The following SLIT1 variants were observed in gnomAD, a reference collection of about 807,000 sequenced individuals.
SLIT1 encodes the protein slit homolog 1 protein.
SLIT1 carries 66 observed loss-of-function variants against 186.1 expected under a neutral mutation model. That is an observed-to-expected ratio of 0.35 (90% CI 0.29 to 0.44). The LOEUF is 0.44. Ranked by LOEUF, SLIT1 falls within the 20% of genes least tolerant of loss-of-function variation. SLIT1 has a pLI of 1.00. For missense variants in SLIT1, 1,638 were observed against 2,037.4 expected, an observed-to-expected ratio of 0.80 and a Z score of 3.77; for synonymous variants, 761 against 833.8, an observed-to-expected ratio of 0.91 and a Z score of 1.50.
At chr10:97,018,931 C>A in intron 27 of SLIT1, 52 bp downstream of exon 27, 1 of 1,148,836 alleles carries the variant, frequency 8.7e-7, no homozygotes, top group South Asian at 1.3e-5. Flanking sequence ...GGGGACAGCC[C>A]TGCAGTGTAC....
At chr10:97,071,424 T>G (rs1265508606) in intron 4 of SLIT1, among the ~76,000 whole-genome samples, 1 of 152,210 alleles carries the variant, frequency 6.6e-6, no homozygotes, top group Non-Finnish European at 1.5e-5. Flanking sequence ...GGGCCGGCAC[T>G]CACATCCATT....
At chr10:97,015,933 T>C (rs777839729) in intron 28 of SLIT1, among the ~76,000 whole-genome samples, 2 of 151,822 alleles carry the variant, frequency 1.3e-5, no homozygotes, top group Non-Finnish European at 2.9e-5. Flanking sequence ...AGGAGTAAAA[T>C]GGAAATACTA....
At chr10:97,035,227 A>G (rs1459047411) in intron 22 of SLIT1, among the ~76,000 whole-genome samples, 1 of 151,944 alleles carries the variant, frequency 6.6e-6, no homozygotes, top group Non-Finnish European at 1.5e-5. Flanking sequence ...CTTCCTTTGT[A>G]CTCAGCCCAG....
intron 28 of SLIT1, among the ~76,000 whole-genome samples, chr10:97,017,737 TC>T (rs1301680970): frequency 6.6e-6 from 1 of 152,130 alleles, no homozygotes; most frequent in Non-Finnish European, 1.5e-5. Flanking sequence ...TCTCAGGGGC[TC>T]AGGGGGCAGC....
At chr10:97,112,650 AC>A (rs1295808505) in intron 4 of SLIT1, among the ~76,000 whole-genome samples, 1 of 152,170 alleles carries the variant, frequency 6.6e-6, no homozygotes, top group Non-Finnish European at 1.5e-5. Context: ...ATAATCTGTA[AC>A]CCAAAACTCT....
intron 13 of SLIT1, among the ~76,000 whole-genome samples, chr10:97,050,371 C>T (rs1266653799): frequency 6.6e-6 from 1 of 152,204 alleles, no homozygotes; most frequent in Admixed American, 6.5e-5. Flanking sequence ...CTTGGCGGTG[C>T]TCTCTGCCGT....
Position 97,060,116 on chromosome 10 carries a change from G to A in SLIT1, c.984C>T (p.Ala328=), listed in dbSNP as rs371174308. 2 of 1,614,088 alleles carry A rather than the reference G, an allele frequency of 1.2e-6. No individual in the cohort carries two copies. Among genetic ancestry groups the A allele is most frequent in the Non-Finnish European group, 1.7e-6 (2 of 1,179,910 alleles). The stretch of plus-strand genomic sequence containing the variant: ...TCCGTAGCTTTCTGTAGGGTGAGAA[G>A]GCTCCAGGAGGGATGGACTTGATGC... ...LNGIKSIPPG[A]FSPYRKLRRI... The change falls in exon 10 of 37, where the codon GCC becomes GCT. Residue 328 remains alanine, a synonymous_variant. Coordinates refer to ENST00000266058, the MANE Select transcript of SLIT1 (RefSeq NM_003061.3).
At chr10:97,074,655 C>T (rs1335618212) in intron 4 of SLIT1, among the ~76,000 whole-genome samples, 1 of 152,222 alleles carries the variant, frequency 6.6e-6, no homozygotes, top group Non-Finnish European at 1.5e-5. Context: ...ATCAAGCACC[C>T]CAGGAGGCAA....
At chr10:97,030,903 C>CCT in intron 24 of SLIT1, 75 bp from the exon 25 acceptor site, 6 of 1,306,272 alleles carry the variant, frequency 4.6e-6, no homozygotes, top group Non-Finnish European at 5.5e-6. Context: ...GAGGCCCAGC[C>CCT]CTCTGCAGAG....
chr10:97,050,722 A>G (rs1018411275), intron 13 of SLIT1, among the ~76,000 whole-genome samples: 4 of 152,262 alleles, frequency 2.6e-5, no homozygotes, highest in East Asian at 1.9e-4. Flanking sequence ...GCCTGAACCA[A>G]TTGCTTCCCT....
chr10:97,018,602 C>T lies in SLIT1; in HGVS notation c.2953G>A (p.Glu985Lys), dbSNP rs779141599. The change falls in exon 28 of 37, where the codon GAG becomes AAG. Residue 985 changes from glutamate to lysine, a missense_variant. Around this residue, in one of 3 missense-constraint regions of SLIT1, gnomAD observed 1,245 missense variants for 1,535.3 expected, o/e 0.81. Transcript: ENST00000266058. ...NGGTCHAQEG[E>K]DAPFTCSCPT... is the part of the protein sequence containing the mutation. ...GTAACTCACGTGAACGGGGCATCCT[C>T]GCCCTCCTGTGCATGGCAGGTGCCC... 1.4e-5 allele frequency: 22 copies of T among 1,586,284 alleles called. No homozygotes were observed. The highest frequency in any genetic ancestry group is 5.4e-5 in the African/African-American group (4 of 74,360).
intron 25 of SLIT1, among the ~76,000 whole-genome samples, chr10:97,028,011 A>G (rs879346904): frequency 8.5e-5 from 13 of 152,192 alleles, no homozygotes; most frequent in Non-Finnish European, 1.5e-4. Flanking sequence ...GGTGTATGCA[A>G]CAAAAGCTAT....
chr10:97,164,046 C>T (rs909224081), intron 2 of SLIT1, among the ~76,000 whole-genome samples: 8 of 152,238 alleles, frequency 5.3e-5, no homozygotes, highest in African/African-American at 1.9e-4. Flanking sequence ...GAGTGGGGTG[C>T]CCACGCCAAC....
rs1848474811 is a variant in SLIT1 at position 97,018,604 on chromosome 10, C to A, written c.2951G>T (p.Gly984Val). The change falls in exon 28 of 37, where the codon GGC becomes GTC. Residue 984 changes from glycine to valine, a missense_variant. By Grantham distance (109) the Gly-to-Val change is moderately radical. This residue lies in a region of SLIT1 where 1,245 missense variants were observed against 1,535.3 expected (regional missense o/e 0.81). Coordinates refer to ENST00000266058, the MANE Select transcript of SLIT1 (RefSeq NM_003061.3). ...AACTCACGTGAACGGGGCATCCTCG[C>A]CCTCCTGTGCATGGCAGGTGCCCCC... is the stretch of plus-strand genomic sequence containing the variant. ...ENGGTCHAQE[G>V]EDAPFTCSCP... is the part of the protein sequence containing the mutation. 6.3e-7 allele frequency: 1 copy of A among 1,589,006 alleles called. No homozygotes were observed. Among genetic ancestry groups the A allele is most frequent in the East Asian group, 2.3e-5 (1 of 43,564 alleles).
intron 28 of SLIT1, among the ~76,000 whole-genome samples, 199 bp downstream of exon 28, chr10:97,018,387 G>A (rs1324451259): frequency 6.6e-6 from 1 of 152,232 alleles, no homozygotes; most frequent in Non-Finnish European, 1.5e-5. Flanking sequence ...CTGCATCTGC[G>A]CAAGGAAGGG....
At chr10:97,108,220 G>A (rs1460487270) in intron 4 of SLIT1, among the ~76,000 whole-genome samples, 6 of 152,148 alleles carry the variant, frequency 3.9e-5, no homozygotes, top group Admixed American at 2.6e-4. Context: ...GGTGCAGCAG[G>A]GGAGGTGGGT....
At chr10:97,073,011 G>A (rs1450326733) in intron 4 of SLIT1, among the ~76,000 whole-genome samples, 2 of 152,228 alleles carry the variant, frequency 1.3e-5, no homozygotes, top group African/African-American at 4.8e-5. Context: ...CTAAGGCTCT[G>A]TTGTTTCAAG....
intron 24 of SLIT1, 128 bp from the exon 25 acceptor site, chr10:97,030,956 A>T (rs774167173): frequency 8.0e-6 from 6 of 753,020 alleles, no homozygotes; most frequent in Non-Finnish European, 1.4e-5. Context: ...TCAGTCAGTG[A>T]CCTGAAGGAG....
chr10:97,088,298 T>C (rs1189505389), intron 4 of SLIT1, among the ~76,000 whole-genome samples: 2 of 152,224 alleles, frequency 1.3e-5, no homozygotes, highest in African/African-American at 2.4e-5. Flanking sequence ...GCCCCTCTTA[T>C]GGTGCCACCT....
Sources: allele counts gnomAD v4.1 joint callset (sites outside exome capture counted in the v4.1 genomes callset), GRCh38; gene constraint gnomAD v4.1.1; regional missense constraint gnomAD v4.1.1; transcripts MANE v1.5; gene names NCBI Gene and HGNC (gene_info 2026-07-23, HGNC 2026-07-21).